The following GLRA3 variants were observed in gnomAD, a reference collection of about 807,000 sequenced individuals.
GLRA3 encodes glycine receptor subunit alpha-3.
A neutral mutation model predicts 60.4 loss-of-function variants in GLRA3; 44 were observed. The observed-to-expected ratio is 0.73, with a 90% CI of 0.57 to 0.94. The LOEUF (loss-of-function observed/expected upper bound fraction) is 0.94, where lower values mean the gene tolerates loss of function less well. Among genes scored for constraint, GLRA3 ranks in the 40% least tolerant of loss-of-function variants. The probability of loss-of-function intolerance (pLI) is 0.00; values close to 1 mark genes in which losing one functional copy is unlikely to be tolerated. For synonymous variants in GLRA3, 223 were observed against 192.9 expected, an observed-to-expected ratio of 1.16 and a Z score of -1.29; for missense variants, 508 against 564.6, an observed-to-expected ratio of 0.90 and a Z score of 1.02.
intron 2 of GLRA3, among the ~76,000 whole-genome samples, chr4:174,785,164 TA>T (rs1218623759): frequency 2.0e-5 from 3 of 152,126 alleles, no homozygotes; most frequent in Non-Finnish European, 4.4e-5. Context: ...TTTTAAAGTG[TA>T]CTTTTTAAAG....
In GLRA3 at chr4:174,714,795, T is replaced by C. The variant is rs541566229; in HGVS notation, c.574+693A>G. ...TAAACAATTAATTTAGGACTAATTA[T>C]ATAGATCAGAGAAAGGGTAGGATGT... On this transcript the variant is annotated intron_variant, in intron 5 of 9. Coordinates refer to ENST00000274093, the MANE Select transcript of GLRA3 (RefSeq NM_006529.4). 1.1e-4 allele frequency among the ~76,000 whole-genome samples: 17 copies of C among 152,332 alleles called. No individual in the cohort carries two copies. The South Asian group carries it at 1.7e-3, about 15-fold the overall frequency.
At chr4:174,752,599 T>C (rs1022938483) in intron 3 of GLRA3, among the ~76,000 whole-genome samples, 2 of 152,116 alleles carry the variant, frequency 1.3e-5, no homozygotes, top group African/African-American at 2.4e-5. Context: ...AGTTTGACGA[T>C]AGAAAAGAGT....
intron 5 of GLRA3, among the ~76,000 whole-genome samples, chr4:174,702,369 A>G (rs1278985868): frequency 6.6e-6 from 1 of 152,248 alleles, no homozygotes; most frequent in Non-Finnish European, 1.5e-5. Flanking sequence ...AGGCTACAGT[A>G]CAGTATAAAT....
intron 5 of GLRA3, among the ~76,000 whole-genome samples, chr4:174,685,922 C>A (rs11943254): frequency 0.019 from 2,827 of 152,168 alleles, 39 homozygotes; most frequent in Middle Eastern, 0.071. Flanking sequence ...TTTTTATATT[C>A]TAAATTTTTC....
intron 9 of GLRA3, among the ~76,000 whole-genome samples, chr4:174,655,034 A>G (rs1294814113): frequency 6.6e-6 from 1 of 152,146 alleles, no homozygotes; most frequent in East Asian, 1.9e-4. Context: ...TAGGAATAAT[A>G]ATTGCATTAA....
chr4:174,697,046 T>A (rs1735085443), intron 5 of GLRA3, among the ~76,000 whole-genome samples: 2 of 152,154 alleles, frequency 1.3e-5, no homozygotes, highest in South Asian at 4.1e-4. Context: ...AATCATAAAA[T>A]CTTTGGTGGT....
chr4:174,784,346 T>C (rs1457985365), intron 2 of GLRA3, among the ~76,000 whole-genome samples: 12 of 143,052 alleles, frequency 8.4e-5, no homozygotes, highest in African/African-American at 2.6e-4. Context: ...AGGGATAGCA[T>C]TGGGAGATAT....
chr4:174,819,430 C>G (rs1740644289), intron 1 of GLRA3, among the ~76,000 whole-genome samples: 1 of 152,166 alleles, frequency 6.6e-6, no homozygotes, highest in African/African-American at 2.4e-5. Flanking sequence ...GCCATATTCT[C>G]TATTCCACAT....
In GLRA3 at chr4:174,715,547, G is replaced by A; in HGVS notation, c.515C>T (p.Pro172Leu). 8 of 1,526,322 alleles carry A rather than the reference G, an allele frequency of 5.2e-6. No individual in the cohort carries two copies. Among genetic ancestry groups the A allele is most frequent in the Non-Finnish European group, 7.2e-6 (8 of 1,105,172 alleles). 94.5% of individuals were successfully genotyped at this position (1,526,322 alleles called of 1,614,324 possible). A position where few individuals can be genotyped will look rare whatever the true frequency, so the allele number is the denominator to read the frequency against. Residue 172 changes from proline (P) to leucine (L), a missense_variant, in exon 5 of 10, where the codon CCA becomes CTA. Pro to Leu is a moderately conservative substitution (Grantham distance 98). This residue lies in a region of GLRA3 where 329 missense variants were observed against 349.3 expected (regional missense o/e 0.94). Coordinates refer to ENST00000274093, the MANE Select transcript of GLRA3 (RefSeq NM_006529.4). The stretch of plus-strand genomic sequence containing the variant: ...CATGGGAAAATTCTTGAGATCCATT[G>A]GACAGGAAAGTGTTAATGTTAATCT... Reference protein sequence around the residue: ...SIRLTLTLSCPMDLKNFPMDV... With the variant: ...SIRLTLTLSCLMDLKNFPMDV...
intron 2 of GLRA3, among the ~76,000 whole-genome samples, chr4:174,771,615 T>C (rs950257519): frequency 6.6e-6 from 1 of 152,108 alleles, no homozygotes; most frequent in Admixed American, 6.6e-5. Flanking sequence ...GGTACAGCCA[T>C]GTTGGGGGAA....
intron 2 of GLRA3, among the ~76,000 whole-genome samples, chr4:174,769,106 CTTCAA>C (rs1222579331): frequency 6.6e-6 from 1 of 152,046 alleles, no homozygotes; most frequent in East Asian, 1.9e-4. Flanking sequence ...GAGATAATTA[CTTCAA>C]TTCATTTAAT....
At chr4:174,651,972 CAG>C (rs1432083365) in intron 9 of GLRA3, among the ~76,000 whole-genome samples, 2 of 151,968 alleles carry the variant, frequency 1.3e-5, no homozygotes, top group African/African-American at 2.4e-5. Flanking sequence ...CGCAGTAAGA[CAG>C]GGGATGAGAG....
chr4:174,721,906 T>A (rs1736148387), intron 4 of GLRA3, among the ~76,000 whole-genome samples: 1 of 151,902 alleles, frequency 6.6e-6, no homozygotes, highest in Non-Finnish European at 1.5e-5. Flanking sequence ...TATGTGTGTA[T>A]GTGTATATAT....
Position 174,637,860 on chromosome 4 carries a change from C to G in GLRA3, c.*5926G>C, listed in dbSNP as rs982496286. ...TGAAAATAATATACATAGAAATTTT[C>G]ATCAATTTCTATTTATCTATGTAGA... is the stretch of plus-strand genomic sequence containing the variant. On this transcript the variant is annotated 3_prime_UTR_variant, in exon 10 of 10. Transcript: ENST00000274093. 6.6e-6 allele frequency: 1 copy of G among 151,986 alleles called. No homozygotes were observed. The allele number at this position is 151,986 out of a possible 1,614,324, so 9.4% of individuals were successfully genotyped here.
At chr4:174,720,069 C>T (rs947529414) in intron 4 of GLRA3, among the ~76,000 whole-genome samples, 2 of 152,140 alleles carry the variant, frequency 1.3e-5, no homozygotes, top group Non-Finnish European at 2.9e-5. Flanking sequence ...CTATGCATAG[C>T]ATCTTTAACA....
At chr4:174,804,345 G>A (rs1286403658) in intron 1 of GLRA3, among the ~76,000 whole-genome samples, 1 of 152,108 alleles carries the variant, frequency 6.6e-6, no homozygotes, top group Non-Finnish European at 1.5e-5. Context: ...AATGAGGCTG[G>A]AGAGCACTAC....
At chr4:174,675,813 A>G (rs1420981586) in intron 7 of GLRA3, among the ~76,000 whole-genome samples, 2 of 152,170 alleles carry the variant, frequency 1.3e-5, no homozygotes, top group African/African-American at 4.8e-5. Flanking sequence ...GCATGTTAAT[A>G]TCATATTTTA....
rs1732578972 is a variant in GLRA3, at chr4:174,639,531, A to G, written c.*4255T>C. The G allele has an allele frequency of 6.6e-6, 1 of 152,116 alleles. No individual in the cohort carries two copies. The highest frequency in any genetic ancestry group is 2.4e-5 in the African/African-American group (1 of 41,424). 9.4% of individuals were successfully genotyped at this position (152,116 alleles called of 1,614,324 possible). ...ACTTGGGATTATATCTCTTGTCCTCATATCTGGAAGAAGCTTCCCCAGGAT... is the reference window on the plus strand; with the variant it reads ...ACTTGGGATTATATCTCTTGTCCTCGTATCTGGAAGAAGCTTCCCCAGGAT... On this transcript the variant is annotated 3_prime_UTR_variant, in exon 10 of 10. Transcript: ENST00000274093.
chr4:174,678,788 C>T (rs950669691), intron 6 of GLRA3, among the ~76,000 whole-genome samples: 1 of 151,816 alleles, frequency 6.6e-6, no homozygotes, highest in South Asian at 2.1e-4. Context: ...TTTTAAAGTG[C>T]TATTAAATAT....
Sources: allele counts gnomAD v4.1 joint callset (sites outside exome capture counted in the v4.1 genomes callset), GRCh38; gene constraint gnomAD v4.1.1; regional missense constraint gnomAD v4.1.1; transcripts MANE v1.5; gene names NCBI Gene and HGNC (gene_info 2026-07-23, HGNC 2026-07-21).